CLOCK: variants seen among roughly 807,000 people sequenced by gnomAD.
CLOCK encodes the protein clock circadian regulator.
CLOCK carries 43 observed loss-of-function variants against 118.4 expected under a neutral mutation model. That is an observed-to-expected ratio of 0.36 (90% CI 0.28 to 0.47). The LOEUF is 0.47. Among genes scored for constraint, CLOCK ranks in the 20% least tolerant of loss-of-function variants. CLOCK has a pLI of 1.00. For missense variants in CLOCK, 846 were observed against 999.9 expected (o/e 0.85, Z 2.08); for synonymous variants, 326 against 339.2 (o/e 0.96, Z 0.43).
At chr4:55,488,572 A>T (rs1727464773) in intron 3 of CLOCK, among the ~76,000 whole-genome samples, 1 of 152,240 alleles carries the variant, frequency 6.6e-6, no homozygotes, top group Non-Finnish European at 1.5e-5. Flanking sequence ...TGTTCCTCAA[A>T]CATTTCATTG....
chr4:55,479,037 T>C, intron 5 of CLOCK, 74 bp from the exon 6 acceptor site: 1 of 1,221,518 alleles, frequency 8.2e-7, no homozygotes, highest in Non-Finnish European at 1.2e-6. Flanking sequence ...AATGTTAATT[T>C]AGACATGACA....
chr4:55,526,344 T>C (rs1192336395), intron 1 of CLOCK, among the ~76,000 whole-genome samples: 3 of 152,134 alleles, frequency 2.0e-5, no homozygotes, highest in African/African-American at 4.8e-5. Flanking sequence ...GAAAAAGTAA[T>C]GGTAAATTTC....
At chr4:55,493,269 A>G (rs1268936110) in intron 2 of CLOCK, among the ~76,000 whole-genome samples, 2 of 152,166 alleles carry the variant, frequency 1.3e-5, no homozygotes, top group African/African-American at 4.8e-5. Flanking sequence ...AAAATGGCTA[A>G]CTCAGGAATT....
chr4:55,506,819 C>T (rs1728830889), intron 2 of CLOCK, among the ~76,000 whole-genome samples: 1 of 152,138 alleles, frequency 6.6e-6, no homozygotes, highest in African/African-American at 2.4e-5. Context: ...CCTCGGCCTT[C>T]CAAAGTGCTG....
At position 55,444,796 on chromosome 4, in the gene CLOCK, A is replaced by G. The variant is rs1246940017; in HGVS notation, c.1540-11T>C. ...AGCTGAAAACTGAAACTGAAGTACC[A>G]TGTACGGAAAAAGTGTAATATATTT... On this transcript the variant is annotated splice_polypyrimidine_tract_variant and intron_variant, in intron 18 of 22. Transcript: ENST00000513440. The G allele has an allele frequency of 6.2e-7, 1 of 1,613,198 alleles. No individual in the cohort carries two copies. Among genetic ancestry groups the G allele is most frequent in the African/African-American group, 1.3e-5 (1 of 74,920 alleles).
At chr4:55,536,822 T>G (rs1730937927) in intron 1 of CLOCK, among the ~76,000 whole-genome samples, 1 of 152,160 alleles carries the variant, frequency 6.6e-6, no homozygotes, top group Non-Finnish European at 1.5e-5. Context: ...AATGCTTACT[T>G]AAGTTTTTTA....
chr4:55,453,863 T>C (rs1312224669), intron 13 of CLOCK, 39 bp from the exon 14 acceptor site: 1 of 1,442,464 alleles, frequency 6.9e-7, no homozygotes, highest in Middle Eastern at 2.0e-4. Context: ...CTTTAATTCA[T>C]ATTATATAAA....
intron 12 of CLOCK, 89 bp from the exon 13 acceptor site, chr4:55,456,092 A>G (rs1724904351): frequency 1.5e-6 from 2 of 1,363,768 alleles, no homozygotes; most frequent in Admixed American, 4.0e-5. Flanking sequence ...GGGGGGCTTT[A>G]TTTTTCAAAA....
At chr4:55,528,025 C>T (rs932017557) in intron 1 of CLOCK, among the ~76,000 whole-genome samples, 1 of 144,376 alleles carries the variant, frequency 6.9e-6, no homozygotes, top group Non-Finnish European at 1.5e-5. Context: ...CAGCAAGACC[C>T]TGTCTCTCAA....
At chr4:55,477,545 A>C (rs10517344) in intron 6 of CLOCK, among the ~76,000 whole-genome samples, 51,307 of 151,982 alleles carry the variant, frequency 0.34, 9,349 homozygotes, top group East Asian at 0.58. Context: ...TAAAAATGAA[A>C]AAAGGCAAGT....
intron 18 of CLOCK, among the ~76,000 whole-genome samples, chr4:55,445,579 A>ATTTTTTTTTTTTTTTTTTTTT: frequency 1.5e-5 from 1 of 65,528 alleles, no homozygotes; most frequent in East Asian, 7.3e-4. Flanking sequence ...CTATTTCTAT[A>ATTTTTTTTTTTTTTTTTTTTT]TTCTTTTTTT....
At chr4:55,522,322 T>C (rs1467580817) in intron 1 of CLOCK, among the ~76,000 whole-genome samples, 1 of 152,092 alleles carries the variant, frequency 6.6e-6, no homozygotes, top group African/African-American at 2.4e-5. Context: ...GAAGTCTAAT[T>C]TAATTTAAAT....
chr4:55,479,706 G>T lies in CLOCK; in HGVS notation c.48-7C>A, dbSNP rs554490164. 3 of 1,611,890 alleles carry T rather than the reference G, an allele frequency of 1.9e-6. No homozygotes were observed. Among genetic ancestry groups the T allele is most frequent in the African/African-American group, 1.3e-5 (1 of 74,942 alleles). ...AAAAATACTACTGTCATCTCTAAAA[G>T]AAAGCGGATAGAGAAAGTAAGAGCA... On this transcript the variant is annotated splice_polypyrimidine_tract_variant and splice_region_variant and intron_variant, in intron 4 of 22. Coordinates refer to ENST00000513440, the MANE Select transcript of CLOCK (RefSeq NM_004898.4).
At chr4:55,542,402 AATG>A in intron 1 of CLOCK, among the ~76,000 whole-genome samples, 1 of 143,926 alleles carries the variant, frequency 6.9e-6, no homozygotes, top group Non-Finnish European at 1.5e-5. Flanking sequence ...TATTATTATT[AATG>A]TCTATGCTGT....
intron 7 of CLOCK, 47 bp downstream of exon 7, chr4:55,475,916 T>A: frequency 7.3e-7 from 1 of 1,369,972 alleles, no homozygotes. Flanking sequence ...CCCTGTGATT[T>A]CTTTTTTGAG....
At position 55,492,760 on chromosome 4, in the gene CLOCK, G is replaced by A. The variant is rs566077524; in HGVS notation, c.-135-3295C>T. On this transcript the variant is annotated intron_variant, in intron 2 of 22. Transcript: ENST00000513440. ...CTCGGGAGGGTGAGGCAGGAGAATC[G>A]CTTGAACCCAGGAAGCGGAGGTTGC... Among the ~76,000 whole-genome samples, 19 of 152,128 alleles carry A rather than the reference G, an allele frequency of 1.2e-4. No individual in the cohort carries two copies. In the East Asian group the frequency reaches 1.5e-3, roughly 12 times the overall value.
intron 9 of CLOCK, among the ~76,000 whole-genome samples, chr4:55,460,249 T>C (rs1385493002): frequency 1.3e-5 from 2 of 152,212 alleles, no homozygotes; most frequent in Non-Finnish European, 2.9e-5. Context: ...TGACTATTCC[T>C]ATCTCTTCTG....
intron 1 of CLOCK, among the ~76,000 whole-genome samples, chr4:55,536,684 C>G (rs1051511906): frequency 2.0e-5 from 3 of 152,136 alleles, no homozygotes; most frequent in African/African-American, 7.2e-5. Context: ...TATAAATTAC[C>G]CAGTCTCACG....
chr4:55,460,318 C>T (rs1410970289), intron 9 of CLOCK, among the ~76,000 whole-genome samples: 1 of 152,228 alleles, frequency 6.6e-6, no homozygotes, highest in African/African-American at 2.4e-5. Flanking sequence ...AAATCTCTCT[C>T]TCCAACTCTA....
Sources: gnomAD v4.1 joint callset for allele counts (sites outside exome capture counted in the v4.1 genomes callset) on GRCh38, gnomAD v4.1.1 for gene constraint, MANE v1.5 for transcripts, NCBI Gene and HGNC (gene_info 2026-07-23, HGNC 2026-07-21) for gene names.